CACNA2D1: variants seen among roughly 807,000 people sequenced by gnomAD.
CACNA2D1 encodes the protein voltage-dependent calcium channel subunit alpha-2/delta-1.
A neutral mutation model predicts 171.5 loss-of-function variants in CACNA2D1; 53 were observed. The observed-to-expected ratio is 0.31, with a 90% CI of 0.25 to 0.39. The LOEUF (loss-of-function observed/expected upper bound fraction) is 0.39. Among genes scored for constraint, CACNA2D1 ranks in the 10% least tolerant of loss-of-function variants. The probability of loss-of-function intolerance (pLI) is 1.00; values close to 1 mark genes in which losing one functional copy is unlikely to be tolerated. For missense variants in CACNA2D1, 903 were observed against 1,299.8 expected (o/e 0.69, Z 4.69); for synonymous variants, 442 against 443.1 (o/e 1.00, Z 0.03).
chr7:82,251,704 T>C (rs955888107), intron 3 of CACNA2D1, among the ~76,000 whole-genome samples: 5 of 152,214 alleles, frequency 3.3e-5, no homozygotes, highest in African/African-American at 1.2e-4. Flanking sequence ...GAGCCATACA[T>C]TGAAAATCTT....
chr7:82,271,368 C>A (rs895909831), intron 3 of CACNA2D1, among the ~76,000 whole-genome samples: 1 of 152,058 alleles, frequency 6.6e-6, no homozygotes, highest in African/African-American at 2.4e-5. Flanking sequence ...TGAATAAATT[C>A]TCTTGATTCT....
chr7:82,196,645 G>T (rs1344617531), intron 3 of CACNA2D1, among the ~76,000 whole-genome samples: 1 of 151,930 alleles, frequency 6.6e-6, no homozygotes, highest in Non-Finnish European at 1.5e-5. Context: ...TGATGGAGGG[G>T]AGCAAAGTCA....
chr7:82,359,146 G>A (rs1023247435), intron 1 of CACNA2D1, among the ~76,000 whole-genome samples: 1 of 151,968 alleles, frequency 6.6e-6, no homozygotes, highest in Non-Finnish European at 1.5e-5. Context: ...ATCTGCTGCT[G>A]GTGTTTCTAT....
At chr7:81,959,943 A>G in intron 36 of CACNA2D1, 114 bp from the exon 37 acceptor site, 1 of 1,468,000 alleles carries the variant, frequency 6.8e-7, no homozygotes, top group Non-Finnish European at 9.2e-7. Context: ...TCTGAAACAG[A>G]AACCATTCCC....
intron 10 of CACNA2D1, among the ~76,000 whole-genome samples, chr7:82,039,549 GA>G (rs1223050777): frequency 3.3e-5 from 5 of 152,026 alleles, no homozygotes; most frequent in Non-Finnish European, 4.4e-5. Flanking sequence ...TTTTATCTAC[GA>G]AAAAAACTCA....
intron 1 of CACNA2D1, among the ~76,000 whole-genome samples, chr7:82,411,664 C>G (rs560403519): frequency 1.3e-5 from 2 of 152,214 alleles, no homozygotes; most frequent in Admixed American, 6.5e-5. Context: ...CTTGCCTCTT[C>G]CCATTCTTTC....
At chr7:82,342,749 G>A (rs936965502) in intron 2 of CACNA2D1, among the ~76,000 whole-genome samples, 5 of 152,126 alleles carry the variant, frequency 3.3e-5, no homozygotes, top group Non-Finnish European at 7.4e-5. Flanking sequence ...TGGAGGAAAC[G>A]TGATTCAGTA....
chr7:82,384,404 T>C (rs954952565), intron 1 of CACNA2D1, among the ~76,000 whole-genome samples: 1 of 152,118 alleles, frequency 6.6e-6, no homozygotes, highest in Non-Finnish European at 1.5e-5. Flanking sequence ...TGCAGGTAGT[T>C]ACATGCAAGC....
At chr7:82,050,373 G>T in intron 10 of CACNA2D1, 1 of 543,312 alleles carries the variant, frequency 1.8e-6, no homozygotes, top group Non-Finnish European at 3.3e-6. Context: ...CATAGCAACA[G>T]AGGAGCAGAG....
intron 3 of CACNA2D1, among the ~76,000 whole-genome samples, chr7:82,245,020 T>A (rs955955425): frequency 3.9e-5 from 6 of 152,176 alleles, no homozygotes; most frequent in African/African-American, 1.4e-4. Context: ...ACATGAATTA[T>A]ACATAGGAAA....
chr7:82,269,320 G>A (rs1234443657), intron 3 of CACNA2D1, among the ~76,000 whole-genome samples: 3 of 152,032 alleles, frequency 2.0e-5, no homozygotes, highest in African/African-American at 7.2e-5. Flanking sequence ...TTACAGACAA[G>A]CCATAGAATT....
At chr7:82,120,631 C>G (rs1443112564) in intron 5 of CACNA2D1, among the ~76,000 whole-genome samples, 1 of 152,076 alleles carries the variant, frequency 6.6e-6, no homozygotes, top group Non-Finnish European at 1.5e-5. Context: ...AATTCTGGCA[C>G]TTTGGGAGGC....
intron 18 of CACNA2D1, among the ~76,000 whole-genome samples, chr7:81,999,906 A>T (rs576882630): frequency 3.3e-5 from 5 of 152,318 alleles, no homozygotes; most frequent in Admixed American, 1.3e-4. Flanking sequence ...ACTGGAAGAG[A>T]GCTAAAGTTT....
At position 82,111,434 on chromosome 7, in the gene CACNA2D1, A is replaced by ATG. The variant is rs1360734073; in HGVS notation, c.526+5609_526+5610insCA. On this transcript the variant is annotated intron_variant, in intron 6 of 38. Coordinates refer to ENST00000356860, the MANE Select transcript of CACNA2D1 (RefSeq NM_000722.4). ...TATATGTGTATATATGTGTGTATAT[A>ATG]TATATATATATTTTTTTTTTTTTTT... Among the ~76,000 whole-genome samples, 14 of 97,866 alleles carry ATG rather than the reference A, an allele frequency of 1.4e-4. 1 individual carries two copies. The highest frequency in any genetic ancestry group is 3.7e-4 in the African/African-American group (9 of 24,010). The allele number at this position is 97,866 out of a possible 152,430, so 64.2% of individuals were successfully genotyped here.
intron 36 of CACNA2D1, 53 bp from the exon 37 acceptor site, chr7:81,959,882 G>T: frequency 1.3e-6 from 2 of 1,575,350 alleles, no homozygotes; most frequent in South Asian, 1.1e-5. Context: ...CAAAATAAAT[G>T]GAAATCTTTC....
At chr7:82,402,743 T>C (rs1273248448) in intron 1 of CACNA2D1, among the ~76,000 whole-genome samples, 4 of 131,204 alleles carry the variant, frequency 3.0e-5, no homozygotes, top group Non-Finnish European at 6.5e-5. Context: ...GAAGAAGAAG[T>C]AAAATAGGTT....
chr7:82,212,912 T>C (rs1202317852), intron 3 of CACNA2D1, among the ~76,000 whole-genome samples: 1 of 152,010 alleles, frequency 6.6e-6, no homozygotes, highest in Non-Finnish European at 1.5e-5. Context: ...TCTTTTTTTT[T>C]TTTTCTGAGA....
chr7:82,270,970 C>A (rs964122320), intron 3 of CACNA2D1, among the ~76,000 whole-genome samples: 4 of 152,112 alleles, frequency 2.6e-5, no homozygotes, highest in Non-Finnish European at 5.9e-5. Context: ...CAAACTCATT[C>A]CTGTGCTGCA....
At chr7:82,155,008 G>A (rs762849694) in intron 4 of CACNA2D1, among the ~76,000 whole-genome samples, 31 of 152,030 alleles carry the variant, frequency 2.0e-4, no homozygotes, top group Non-Finnish European at 4.3e-4. Flanking sequence ...ACTCATGAGA[G>A]TGAGTTCTCA....
Sources: gnomAD v4.1 joint callset for allele counts (sites outside exome capture counted in the v4.1 genomes callset) on GRCh38, gnomAD v4.1.1 for gene constraint, MANE v1.5 for transcripts, NCBI Gene and HGNC (gene_info 2026-07-23, HGNC 2026-07-21) for gene names.